Variants in SYNE1 observed in about 807,000 individuals in gnomAD.
The protein encoded by SYNE1 is nesprin-1.
In SYNE1, 616 loss-of-function variants were observed where a neutral mutation model predicts 1,111.0. The observed-to-expected ratio is 0.55, with a 90% CI of 0.52 to 0.59. The LOEUF (loss-of-function observed/expected upper bound fraction) is 0.59. SYNE1 is among the 20% of genes least tolerant of loss of function. The pLI is 0.00. For synonymous variants in SYNE1, 3,855 were observed against 3,825.8 expected (o/e 1.01, Z -0.28); for missense variants, 10,006 against 10,417.0 (o/e 0.96, Z 1.72).
chr6:152,211,656 T>C (rs1190822336), intron 123 of SYNE1, 68 bp from the exon 124 acceptor site: 3 of 1,376,446 alleles, frequency 2.2e-6, no homozygotes, highest in Non-Finnish European at 3.1e-6. Context: ...CTCTGATAAC[T>C]TTCCAAATAT....
At chr6:152,513,431 C>T (rs2099095572) in intron 6 of SYNE1, among the ~76,000 whole-genome samples, 1 of 152,080 alleles carries the variant, frequency 6.6e-6, no homozygotes, top group Admixed American at 6.5e-5. Flanking sequence ...CTGCAACCTC[C>T]ACCTCCCAGG....
chr6:152,488,469 ACTTTCATTTC>A lies in SYNE1; in HGVS notation c.964_973del (p.Glu322PhefsTer3). 1 of 1,607,414 alleles carries A rather than the reference ACTTTCATTTC, an allele frequency of 6.2e-7. No homozygotes were observed. The highest frequency in any genetic ancestry group is 1.1e-5 in the South Asian group (1 of 90,914). On this transcript the variant is annotated frameshift_variant, in exon 12 of 146. Transcript: ENST00000367255. LOFTEE classifies it high-confidence loss of function. ...ATCTCTCTCAAATTGTTCTATCCAA[ACTTTCATTTC>A]CTTAAAAATTACTCTGTCTTCTCTC...
At chr6:152,470,069 A>G (rs1349634456) in intron 16 of SYNE1, among the ~76,000 whole-genome samples, 2 of 152,212 alleles carry the variant, frequency 1.3e-5, no homozygotes, top group Non-Finnish European at 2.9e-5. Context: ...AAAGCATGCT[A>G]CGTATGTAGG....
intron 3 of SYNE1, among the ~76,000 whole-genome samples, chr6:152,541,470 C>A (rs543930048): frequency 6.6e-6 from 1 of 152,118 alleles, no homozygotes; most frequent in South Asian, 2.1e-4. Context: ...CTGAATTGGC[C>A]AGGCGTGGCG....
chr6:152,247,780 CAT>C lies in SYNE1; in HGVS notation c.19572+1379_19572+1380del, dbSNP rs1349466577. 6.2e-3 allele frequency among the ~76,000 whole-genome samples: 789 copies of C among 128,224 alleles called. 3 individuals carry two copies. Among genetic ancestry groups the C allele is most frequent in the Middle Eastern group, 0.012 (3 of 246 alleles). The allele number at this position is 128,224 out of a possible 152,430, so 84.1% of individuals were successfully genotyped here. The stretch of plus-strand genomic sequence containing the variant: ...ACACACACACACACACACACACACA[CAT>C]ATATTTTTAAAAATAAATAAAAAGA... On this transcript the variant is annotated intron_variant, in intron 105 of 145. Transcript: ENST00000367255.
chr6:152,526,717 T>G (rs2099165301), intron 4 of SYNE1, among the ~76,000 whole-genome samples: 1 of 152,150 alleles, frequency 6.6e-6, no homozygotes, highest in African/African-American at 2.4e-5. Flanking sequence ...AATCTTCCTG[T>G]GGGTTAGTTA....
At chr6:152,241,527 T>TGTGTATGTGTGA (rs59737931) in intron 107 of SYNE1, among the ~76,000 whole-genome samples, 2 of 145,032 alleles carry the variant, frequency 1.4e-5, no homozygotes, top group South Asian at 4.3e-4. Context: ...TGTGTGTGTG[T>TGTGTATGTGTGA]GTGAAATACG....
chr6:152,126,340 G>C (rs2053443359), intron 145 of SYNE1: 1 of 152,138 alleles, frequency 6.6e-6, no homozygotes, highest in African/African-American at 2.4e-5. Flanking sequence ...GAAGCTAATG[G>C]TCCCAGGGAA....
intron 3 of SYNE1, 98 bp downstream of exon 3, chr6:152,628,167 A>C: frequency 1.5e-6 from 2 of 1,325,492 alleles, no homozygotes; most frequent in East Asian, 4.6e-5. Context: ...TCTGGGCTAT[A>C]ATTCCATGAA....
At chr6:152,406,899 A>C (rs1437695522) in intron 45 of SYNE1, 115 bp downstream of exon 45, 3 of 723,254 alleles carry the variant, frequency 4.1e-6, no homozygotes, top group Non-Finnish European at 5.7e-6. Context: ...TAATAAAATA[A>C]AATAAAAAAT....
chr6:152,544,893 T>G (rs1396928926), intron 3 of SYNE1, among the ~76,000 whole-genome samples: 1 of 152,218 alleles, frequency 6.6e-6, no homozygotes, highest in Non-Finnish European at 1.5e-5. Context: ...ACAAATAATA[T>G]ATTGTCTAGA....
At chr6:152,294,966 G>A (rs1270815556) in intron 93 of SYNE1, among the ~76,000 whole-genome samples, 1 of 152,202 alleles carries the variant, frequency 6.6e-6, no homozygotes, top group Non-Finnish European at 1.5e-5. Flanking sequence ...CAGTTGTACT[G>A]TTGAAGGGAA....
At chr6:152,205,630 C>A (rs1407627350) in intron 126 of SYNE1, among the ~76,000 whole-genome samples, 1 of 152,200 alleles carries the variant, frequency 6.6e-6, no homozygotes, top group Non-Finnish European at 1.5e-5. Context: ...CCGGATAAAT[C>A]TACATTTTCC....
intron 131 of SYNE1, among the ~76,000 whole-genome samples, chr6:152,162,043 T>C (rs1344002032): frequency 1.3e-5 from 2 of 152,132 alleles, no homozygotes; most frequent in African/African-American, 4.8e-5. Context: ...GTTTGCTTTC[T>C]CCAGAGAGTA....
chr6:152,483,489 A>G (rs544038397), intron 13 of SYNE1, among the ~76,000 whole-genome samples: 1 of 152,322 alleles, frequency 6.6e-6, no homozygotes, highest in Admixed American at 6.5e-5. Flanking sequence ...ATGGAAGAAT[A>G]TTATCAGAAG....
In SYNE1 at chr6:152,164,197, G is replaced by C. The variant is rs746944246; in HGVS notation, c.23756C>G (p.Ser7919Trp). The C allele has an allele frequency of 6.2e-7, 1 of 1,614,066 alleles. No individual in the cohort carries two copies. The highest frequency in any genetic ancestry group is 8.5e-7 in the Non-Finnish European group (1 of 1,180,034). Reference sequence around the variant, plus strand: ...ATTAAGCTTTCTCTGTATTTCTTCCGAGTTACAGGAATCGTAGACTATTGG... The same window carrying C: ...ATTAAGCTTTCTCTGTATTTCTTCCCAGTTACAGGAATCGTAGACTATTGG... Reference protein sequence around the residue: ...AKPIVYDSCNSEEIQRKLNEQ... With the variant: ...AKPIVYDSCNWEEIQRKLNEQ... Residue 7919 changes from serine to tryptophan, a missense_variant, in exon 131 of 146, where the codon TCG (serine) becomes TGG (tryptophan). Physicochemically the swap from Ser to Trp is radical, Grantham distance 177. This residue lies in a region of SYNE1 where 2,182 missense variants were observed against 2,287.8 expected (regional missense o/e 0.95). Coordinates refer to ENST00000367255, the MANE Select transcript of SYNE1 (RefSeq NM_182961.4).
chr6:152,620,158 T>G (rs1237970890), intron 3 of SYNE1, among the ~76,000 whole-genome samples: 1 of 152,144 alleles, frequency 6.6e-6, no homozygotes, highest in Non-Finnish European at 1.5e-5. Context: ...AGTTGATCAC[T>G]CCCTCCTTGA....
chr6:152,460,874 G>A lies in SYNE1; in HGVS notation c.2394+723C>T, dbSNP rs542181029. Among the ~76,000 whole-genome samples the A allele has an allele frequency of 1.0e-4, 14 of 136,986 alleles. No individual in the cohort carries two copies. The South Asian group carries it at 2.3e-3, about 23-fold the overall frequency. 89.9% of individuals were successfully genotyped at this position (136,986 alleles called of 152,430 possible). On this transcript the variant is annotated intron_variant, in intron 21 of 145. Transcript: ENST00000367255. ...GTCACCTAGGCTGGAGTGAAATGGC[G>A]CGATCTGGGCTCACTGCAACCTCTG... is the stretch of plus-strand genomic sequence containing the variant.
intron 6 of SYNE1, among the ~76,000 whole-genome samples, chr6:152,517,240 A>G (rs1383750516): frequency 6.6e-6 from 1 of 152,228 alleles, no homozygotes; most frequent in African/African-American, 2.4e-5. Context: ...TTTGTAATCT[A>G]ATTAATTCAG....
Sources: allele counts gnomAD v4.1 joint callset (sites outside exome capture counted in the v4.1 genomes callset), GRCh38; gene constraint gnomAD v4.1.1; regional missense constraint gnomAD v4.1.1; transcripts MANE v1.5; gene names NCBI Gene and HGNC (gene_info 2026-07-23, HGNC 2026-07-21).